ZNF565: variants seen among roughly 807,000 people sequenced by gnomAD.
The protein encoded by ZNF565 is zinc finger protein 565.
ZNF565 carries 27 observed loss-of-function variants against 39.4 expected under a neutral mutation model. The observed-to-expected ratio is 0.69, with a 90% confidence interval of 0.51 to 0.95. The LOEUF is 0.95. Ranked by LOEUF, ZNF565 falls within the 40% of genes least tolerant of loss-of-function variation. The pLI is 0.00. For missense variants in ZNF565, 524 were observed against 621.1 expected (o/e 0.84, Z 1.66); for synonymous variants, 185 against 216.6 (o/e 0.85, Z 1.28).
upstream of ZNF565, among the ~76,000 whole-genome samples, chr19:36,217,488 TGAG>T (rs1480314406): frequency 6.6e-6 from 1 of 151,942 alleles, no homozygotes; most frequent in Non-Finnish European, 1.5e-5. Flanking sequence ...TACAAAAGAA[TGAG>T]GAGGAAGCTC....
chr19:36,183,870 A>T, intron 4 of ZNF565, 137 bp from the exon 5 acceptor site: 1 of 721,872 alleles, frequency 1.4e-6, no homozygotes, highest in East Asian at 2.7e-5. Context: ...GTGGATCACA[A>T]GGTCGGGAGT....
intron 4 of ZNF565, among the ~76,000 whole-genome samples, chr19:36,193,346 G>T (rs558541732): frequency 1.3e-5 from 2 of 151,914 alleles, no homozygotes; most frequent in African/African-American, 4.8e-5. Context: ...TTGAACTCCT[G>T]ACCTCAGGTG....
In ZNF565 at chr19:36,182,344, T is replaced by G. The variant is rs1165229239; in HGVS notation, c.*122A>C. On this transcript the variant is annotated 3_prime_UTR_variant, in exon 5 of 5. Coordinates refer to ENST00000304116, the MANE Select transcript of ZNF565 (RefSeq NM_152477.5). ...TCTTTGGGTGTGAGTTTTCTGATGT[T>G]CTATGATGGAAGTGACAGGTGTTTT... The G allele has an allele frequency of 1.4e-5, 11 of 777,322 alleles. No homozygotes were observed. Among genetic ancestry groups the G allele is most frequent in the Non-Finnish European group, 2.1e-5 (11 of 535,658 alleles). 48.2% of individuals were successfully genotyped at this position (777,322 alleles called of 1,614,324 possible).
intron 2 of ZNF565, among the ~76,000 whole-genome samples, chr19:36,199,714 C>T (rs1192328171): frequency 6.6e-6 from 1 of 151,978 alleles, no homozygotes; most frequent in Non-Finnish European, 1.5e-5. Context: ...GAGGGTTTTC[C>T]CATGTTGTGC....
At chr19:36,221,352 A>G (rs1976829007) in intron 1 of ZNF565, among the ~76,000 whole-genome samples, 1 of 135,762 alleles carries the variant, frequency 7.4e-6, no homozygotes, top group African/African-American at 2.9e-5. Flanking sequence ...GCAGTGGCGC[A>G]ATCTCGGCTC....
chr19:36,224,731 A>C (rs986679452), intron 1 of ZNF565, among the ~76,000 whole-genome samples: 4 of 152,214 alleles, frequency 2.6e-5, no homozygotes, highest in African/African-American at 9.6e-5. Context: ...GATTGCATTA[A>C]ATTTATAAAA....
At chr19:36,209,518 CAAAAAA>C (rs1269049126) in intron 1 of ZNF565, among the ~76,000 whole-genome samples, 5 of 151,736 alleles carry the variant, frequency 3.3e-5, no homozygotes, top group African/African-American at 1.2e-4. Flanking sequence ...AAACAAAAAA[CAAAAAA>C]CAAACCAACA....
chr19:36,233,853 C>T (rs1052561196), intron 1 of ZNF565, among the ~76,000 whole-genome samples: 3 of 152,200 alleles, frequency 2.0e-5, no homozygotes, highest in Admixed American at 2.0e-4. Flanking sequence ...ATGCCTTCCT[C>T]TTATCTCAAC....
chr19:36,224,015 G>A (rs1197376482), intron 1 of ZNF565, among the ~76,000 whole-genome samples: 2 of 152,076 alleles, frequency 1.3e-5, no homozygotes, highest in African/African-American at 4.8e-5. Context: ...TTATCCTGGT[G>A]TATGCTATCA....
intron 3 of ZNF565, 180 bp downstream of exon 3, chr19:36,194,850 G>A (rs1469422441): frequency 3.4e-6 from 3 of 879,452 alleles, no homozygotes; most frequent in Non-Finnish European, 3.7e-6. Context: ...TTTGACCCAG[G>A]AGCTCTGGAA....
At chr19:36,223,727 T>C (rs1462396302) in intron 1 of ZNF565, among the ~76,000 whole-genome samples, 1 of 152,144 alleles carries the variant, frequency 6.6e-6, no homozygotes, top group Non-Finnish European at 1.5e-5. Flanking sequence ...ATTTTCAAAT[T>C]CTTATAAAGT....
chr19:36,194,888 T>C (rs180857596), intron 3 of ZNF565, 142 bp downstream of exon 3: 1,393 of 1,321,666 alleles, frequency 1.1e-3, no homozygotes, highest in Admixed American at 2.6e-3. Flanking sequence ...TGGCCGGGCC[T>C]CTCTCTATGG....
chr19:36,187,384 C>T (rs1445856641), intron 4 of ZNF565, among the ~76,000 whole-genome samples: 5 of 147,282 alleles, frequency 3.4e-5, no homozygotes, highest in Non-Finnish European at 6.0e-5. Flanking sequence ...TTTTCTGAGA[C>T]GGAGTCTCGC....
At chr19:36,225,752 CTTTTTT>C (rs67760026) in intron 1 of ZNF565, among the ~76,000 whole-genome samples, 7 of 66,726 alleles carry the variant, frequency 1.0e-4, no homozygotes, top group Admixed American at 1.9e-4. Flanking sequence ...CTTTGTGATT[CTTTTTT>C]TTTTTTTTTT....
At chr19:36,209,115 A>G (rs933644577) in intron 1 of ZNF565, among the ~76,000 whole-genome samples, 4 of 152,162 alleles carry the variant, frequency 2.6e-5, no homozygotes, top group Non-Finnish European at 5.9e-5. Context: ...TACAGGCGTA[A>G]TCATTTACGC....
intron 1 of ZNF565, chr19:36,238,459 T>C (rs1427381125): frequency 6.0e-6 from 1 of 167,068 alleles, no homozygotes; most frequent in African/African-American, 2.4e-5. Flanking sequence ...TATATAAACA[T>C]CCACTTCTCT....
At chr19:36,241,119 C>G (rs899362214) in intron 1 of ZNF565, among the ~76,000 whole-genome samples, 5 of 152,326 alleles carry the variant, frequency 3.3e-5, no homozygotes, top group Non-Finnish European at 5.9e-5. Context: ...CAACACAAAT[C>G]AATTGATACA....
chr19:36,219,925 C>CT (rs989535564), intron 1 of ZNF565, among the ~76,000 whole-genome samples: 7 of 152,068 alleles, frequency 4.6e-5, no homozygotes, highest in South Asian at 2.1e-4. Context: ...CAAATTGTAT[C>CT]TTTTTTTCCC....
At chr19:36,186,043 C>T (rs2145298643) in intron 4 of ZNF565, among the ~76,000 whole-genome samples, 1 of 150,540 alleles carries the variant, frequency 6.6e-6, no homozygotes, top group East Asian at 2.0e-4. Flanking sequence ...GTCTCCCAGG[C>T]TGGAGTACAG....
Sources: allele counts gnomAD v4.1 joint callset (sites outside exome capture counted in the v4.1 genomes callset), GRCh38; gene constraint gnomAD v4.1.1; transcripts MANE v1.5; gene names NCBI Gene and HGNC (gene_info 2026-07-23, HGNC 2026-07-21).